The following FRMD1 variants were observed in gnomAD, a reference collection of about 807,000 sequenced individuals.
The protein encoded by FRMD1 is FERM domain-containing protein 1.
Under a neutral mutation model 54.9 loss-of-function variants are expected in FRMD1, and 51 were observed. The observed-to-expected ratio is 0.93, with a 90% confidence interval of 0.74 to 1.17. The LOEUF (loss-of-function observed/expected upper bound fraction) is 1.17. FRMD1 is among the 50% of genes most tolerant of loss of function. The pLI, the probability that FRMD1 is intolerant of heterozygous loss-of-function variation, is 0.00. For synonymous variants in FRMD1, 324 were observed against 306.4 expected, an observed-to-expected ratio of 1.06 and a Z score of -0.60; for missense variants, 729 against 743.0, an observed-to-expected ratio of 0.98 and a Z score of 0.22.
chr6:168,080,207 G>T (rs977185529), upstream of FRMD1, among the ~76,000 whole-genome samples: 1 of 152,100 alleles, frequency 6.6e-6, no homozygotes. Context: ...GGCCCGGCCC[G>T]GTGGGTTGAG....
At chr6:168,079,564 G>T (rs745783976), upstream of FRMD1, among the ~76,000 whole-genome samples, 1 of 152,242 alleles carries the variant, frequency 6.6e-6, no homozygotes, top group Non-Finnish European at 1.5e-5. Flanking sequence ...AGGACGAGGA[G>T]GGCGGGAGGA....
At chr6:168,092,466 G>A (rs146382604) in intron 1 of FRMD1, among the ~76,000 whole-genome samples, 1 of 145,986 alleles carries the variant, frequency 6.8e-6, no homozygotes, top group Non-Finnish European at 1.5e-5. Context: ...TTAGTGCCCT[G>A]TATAAGAGAG....
chr6:168,061,083 G>A lies in FRMD1; in HGVS notation c.1046-26C>T, dbSNP rs754950872. On this transcript the variant is annotated intron_variant, in intron 8 of 10. Transcript: ENST00000283309. ...CTGTGGGGAGTGGGGAGCACAGTGA[G>A]GGCGAGCTGGAGAGGGACCAGCCCT... The A allele has an allele frequency of 3.8e-6, 6 of 1,590,472 alleles. No homozygotes were observed. The African/African-American group carries it at 8.1e-5, about 21-fold the overall frequency.
Position 168,061,852 on chromosome 6 carries a change from C to T in FRMD1, c.1000G>A (p.Val334Met), listed in dbSNP as rs371701184. The T allele has an allele frequency of 1.7e-5, 27 of 1,576,546 alleles. No homozygotes were observed. In the South Asian group the frequency reaches 2.1e-4, roughly 12 times the overall value. ...CGCAGCTGTTGCAGAGTGGGCCGCA[C>T]GCGGAGGTGGAGCTGGTGGCTGGCG... is the stretch of plus-strand genomic sequence containing the variant. ...LRASHQLHLR[V>M]RPTLQQLRQR... is the part of the protein sequence containing the mutation. Residue 334 changes from valine (V) to methionine (M), a missense_variant, in exon 8 of 11, where the codon GTG (valine) becomes ATG (methionine). Physicochemically the swap from Val to Met is conservative, Grantham distance 21. Coordinates refer to ENST00000283309, the MANE Select transcript of FRMD1 (RefSeq NM_024919.6).
intron 3 of FRMD1, 81 bp downstream of exon 3, chr6:168,067,286 C>G: frequency 1.1e-6 from 1 of 919,336 alleles, no homozygotes; most frequent in Non-Finnish European, 1.7e-6. Flanking sequence ...GGTGCCTGCT[C>G]TCTCCCACCC....
rs1253234518 is a variant in FRMD1, at chr6:168,079,046, G to T, written c.49C>A (p.Pro17Thr). ...GCCCCTGAAGGAGGGAACGTGTCAG[G>T]GTTTGTCCGGGCGGGGTCTATGCCC... ...GRGIDPARTN[P>T]DTFPPSGARC... The change falls in exon 1 of 11, where the codon CCT (proline) becomes ACT (threonine). Residue 17 changes from proline (P) to threonine (T), a missense_variant. Pro to Thr is a conservative substitution (Grantham distance 38, BLOSUM62 -1). Transcript: ENST00000283309. The T allele has an allele frequency of 6.2e-7, 1 of 1,610,818 alleles. No homozygotes were observed.
In FRMD1 at chr6:168,066,545, T is replaced by C. The variant is rs1266079132; in HGVS notation, c.461+210A>G. The C allele has an allele frequency of 3.9e-6, 5 of 1,282,324 alleles. No individual in the cohort carries two copies. The South Asian group carries it at 8.5e-5, about 22-fold the overall frequency. 79.4% of individuals were successfully genotyped at this position (1,282,324 alleles called of 1,614,324 possible). On this transcript the variant is annotated intron_variant, in intron 4 of 10. Transcript: ENST00000283309. ...AAAAGAAAAAGAAAAGAAAAAGAAGTACCAATTTATGACACAGTCTGTATA... is the reference window on the plus strand; with the variant it reads ...AAAAGAAAAAGAAAAGAAAAAGAAGCACCAATTTATGACACAGTCTGTATA...
intron 1 of FRMD1, 144 bp downstream of exon 1, chr6:168,078,738 A>G: frequency 1.0e-6 from 1 of 956,596 alleles, no homozygotes; most frequent in Non-Finnish European, 1.3e-6. Context: ...CCTCACCCCC[A>G]TGGCTCTGTT....
chr6:168,062,536 G>T (rs776518210), intron 7 of FRMD1: 2 of 886,946 alleles, frequency 2.3e-6, no homozygotes, highest in Non-Finnish European at 3.4e-6. Flanking sequence ...AGGCCAGGAC[G>T]GCCCTGATGC....
rs141533034 is a variant in FRMD1 at position 168,078,952 on chromosome 6, G to A, written c.143C>T (p.Ala48Val). 5.0e-6 allele frequency: 8 copies of A among 1,610,614 alleles called. No individual in the cohort carries two copies. The highest frequency in any genetic ancestry group is 6.8e-6 in the Non-Finnish European group (8 of 1,179,830). The change falls in exon 1 of 11, where the codon GCG becomes GTG. Residue 48 changes from alanine to valine, a missense_variant. Physicochemically the swap from Ala to Val is moderately conservative, Grantham distance 64. Transcript: ENST00000283309. ...GACATCCCTGTGTTCCGAGGCCATCGCGTCCATTCCCAGGGTCGGCTCCTG... is the reference window on the plus strand; with the variant it reads ...GACATCCCTGTGTTCCGAGGCCATCACGTCCATTCCCAGGGTCGGCTCCTG... ...SQQEPTLGMD[A>V]MASEHRDVLV...
At chr6:168,082,836 G>T (rs73790724), upstream of FRMD1, among the ~76,000 whole-genome samples, 13 of 152,328 alleles carry the variant, frequency 8.5e-5, no homozygotes, top group Non-Finnish European at 1.5e-4. Flanking sequence ...CAAGCGGATA[G>T]TGCAGGGCCT....
At chr6:168,077,040 A>C (rs1012093086) in intron 1 of FRMD1, among the ~76,000 whole-genome samples, 1 of 152,094 alleles carries the variant, frequency 6.6e-6, no homozygotes, top group East Asian at 1.9e-4. Flanking sequence ...ATGCATGCAC[A>C]CCCCAACAGA....
chr6:168,061,071 G>A lies in FRMD1; in HGVS notation c.1046-14C>T, dbSNP rs1165801867. ...AGTGCTGCTTCTCTGTGGGGAGTGGGGAGCACAGTGAGGGCGAGCTGGAGA... is the reference window on the plus strand; with the variant it reads ...AGTGCTGCTTCTCTGTGGGGAGTGGAGAGCACAGTGAGGGCGAGCTGGAGA... On this transcript the variant is annotated splice_polypyrimidine_tract_variant and intron_variant, in intron 8 of 10. Transcript: ENST00000283309. 4 of 1,599,866 alleles carry A rather than the reference G, an allele frequency of 2.5e-6. No homozygotes were observed. Among genetic ancestry groups the A allele is most frequent in the Non-Finnish European group, 3.4e-6 (4 of 1,171,258 alleles).
At chr6:168,070,750 G>A (rs1363756682) in intron 2 of FRMD1, among the ~76,000 whole-genome samples, 2 of 152,184 alleles carry the variant, frequency 1.3e-5, no homozygotes, top group East Asian at 1.9e-4. Context: ...ATACACATAC[G>A]CATACATCTG....
At chr6:168,069,153 C>T (rs1272998078) in intron 2 of FRMD1, among the ~76,000 whole-genome samples, 2 of 152,224 alleles carry the variant, frequency 1.3e-5, no homozygotes, top group Non-Finnish European at 2.9e-5. Flanking sequence ...CCCCATCTCA[C>T]AGACAGGGAG....
At position 168,064,907 on chromosome 6, in the gene FRMD1, C is replaced by T. The variant is rs754469711; in HGVS notation, c.612G>A (p.Gly204=). 6.3e-7 allele frequency: 1 copy of T among 1,595,208 alleles called. No individual in the cohort carries two copies. The highest frequency in any genetic ancestry group is 1.1e-5 in the South Asian group (1 of 88,454). ...LGEHRESAHA[G]RYFEPHSYFP... Reference sequence around the variant, plus strand: ...AGTAGGAGTGTGGCTCGAAGTACCTCCCGGCATGGGCCGACTCCCGGTGCT... The same window carrying T: ...AGTAGGAGTGTGGCTCGAAGTACCTTCCGGCATGGGCCGACTCCCGGTGCT... Residue 204 remains glycine (G), a synonymous_variant, in exon 5 of 11, where the codon GGG becomes GGA. Transcript: ENST00000283309.
At position 168,088,118 on chromosome 6, in the gene FRMD1, C is replaced by T. The variant is rs143484195; in HGVS notation, c.-11-9094G>A. On this transcript the variant is annotated intron_variant, in intron 1 of 12. Transcript: ENST00000644440. Reference sequence around the variant, plus strand: ...ACAAGCTGGGGGTTAGGGCGCTCTTCGTTCCCATCTTAGAGATAAGAAAGC... The same window carrying T: ...ACAAGCTGGGGGTTAGGGCGCTCTTTGTTCCCATCTTAGAGATAAGAAAGC... Among the ~76,000 whole-genome samples the T allele has an allele frequency of 2.4e-3, 370 of 152,324 alleles. 2 individuals carry two copies. Among genetic ancestry groups the T allele is most frequent in the African/African-American group, 8.2e-3 (342 of 41,572 alleles).
upstream of FRMD1, among the ~76,000 whole-genome samples, chr6:168,086,434 A>G (rs1447104821): frequency 7.2e-6 from 1 of 138,888 alleles, no homozygotes; most frequent in Non-Finnish European, 1.5e-5. Context: ...ATGGATGCCC[A>G]TGTCCCAACA....
Position 168,053,599 on chromosome 6 carries a change from G to A in FRMD1, c.*3498C>T, listed in dbSNP as rs73042859. ...CCCCTCAAGGCGAAAGGAGCGTGACGGATGAACCCTGAGTGGAAGGGGCCG... is the reference window on the plus strand; with the variant it reads ...CCCCTCAAGGCGAAAGGAGCGTGACAGATGAACCCTGAGTGGAAGGGGCCG... On this transcript the variant is annotated 3_prime_UTR_variant, in exon 11 of 11. Transcript: ENST00000283309. 0.046 allele frequency: 7,041 copies of A among 152,380 alleles called. 251 individuals carry two copies. The highest frequency in any genetic ancestry group is 0.07 in the Non-Finnish European group (4,750 of 68,068). The allele number at this position is 152,380 out of a possible 1,614,324, so 9.4% of individuals were successfully genotyped here.
Sources: gnomAD v4.1 joint callset for allele counts (sites outside exome capture counted in the v4.1 genomes callset) on GRCh38, gnomAD v4.1.1 for gene constraint, MANE v1.5 for transcripts, NCBI Gene and HGNC (gene_info 2026-07-23, HGNC 2026-07-21) for gene names.